Variants in MYOF observed in about 807,000 individuals in gnomAD.
MYOF encodes the protein fer-1-like 3, myoferlin.
A neutral mutation model predicts 284.2 loss-of-function variants in MYOF; 244 were observed. The ratio of observed to expected loss-of-function variants is 0.86; its 90% CI spans 0.77 to 0.95. The LOEUF (loss-of-function observed/expected upper bound fraction) is 0.95. Among genes scored for constraint, MYOF ranks in the 40% least tolerant of loss-of-function variants. The pLI is 0.00. For synonymous variants in MYOF, 904 were observed against 919.7 expected, an observed-to-expected ratio of 0.98 and a Z score of 0.31; for missense variants, 2,496 against 2,560.6, an observed-to-expected ratio of 0.97 and a Z score of 0.54.
At chr10:93,355,887 TC>T (rs908590211) in intron 30 of MYOF, 151 bp from the exon 31 acceptor site, 37 of 583,104 alleles carry the variant, frequency 6.3e-5, no homozygotes, top group Non-Finnish European at 1.1e-4. Context: ...GATGAATAAG[TC>T]CCAGGATAGC....
rs559102440 is a variant in MYOF, at chr10:93,354,202, C to T, written c.3404-314G>A. On this transcript the variant is annotated intron_variant, in intron 31 of 53. Coordinates refer to ENST00000359263, the MANE Select transcript of MYOF (RefSeq NM_013451.4). ...ACCAGCCTGGTCAACATGGTGAAAA[C>T]TTGTGTCTCTACTAAAAATTCAAAA... is the stretch of plus-strand genomic sequence containing the variant. Among the ~76,000 whole-genome samples, 10 of 152,190 alleles carry T rather than the reference C, an allele frequency of 6.6e-5. No homozygotes were observed. In the East Asian group the frequency reaches 1.9e-3, roughly 29 times the overall value.
intron 53 of MYOF, 88 bp downstream of exon 53, chr10:93,309,932 T>C: frequency 6.5e-7 from 1 of 1,532,822 alleles, no homozygotes; most frequent in Admixed American, 1.8e-5. Flanking sequence ...GTCATTCTTC[T>C]GCACAGTGGT....
chr10:93,332,237 T>TC (rs1360414090), intron 43 of MYOF, among the ~76,000 whole-genome samples: 2 of 151,242 alleles, frequency 1.3e-5, no homozygotes, highest in African/African-American at 4.9e-5. Context: ...TTTTTTTTTT[T>TC]TGGGAGACGG....
At chr10:93,436,801 A>T (rs979126396) in intron 3 of MYOF, among the ~76,000 whole-genome samples, 1 of 152,204 alleles carries the variant, frequency 6.6e-6, no homozygotes, top group African/African-American at 2.4e-5. Flanking sequence ...TTTCCTTTAA[A>T]GGAGGTGACA....
chr10:93,479,945 T>C (rs1018390620), intron 1 of MYOF, among the ~76,000 whole-genome samples: 14 of 152,250 alleles, frequency 9.2e-5, no homozygotes, highest in Admixed American at 2.6e-4. Flanking sequence ...ATATTTTTCA[T>C]CATTTAAAAT....
chr10:93,402,532 T>TGAG (rs1847347286), intron 10 of MYOF, among the ~76,000 whole-genome samples, 185 bp from the exon 11 acceptor site: 1 of 148,752 alleles, frequency 6.7e-6, no homozygotes, highest in African/African-American at 2.5e-5. Flanking sequence ...ACCCCCACCA[T>TGAG]TCTGTCCTCG....
chr10:93,458,420 T>C (rs2056795241), intron 1 of MYOF, among the ~76,000 whole-genome samples: 1 of 151,962 alleles, frequency 6.6e-6, no homozygotes, highest in Non-Finnish European at 1.5e-5. Context: ...CTAAGGAAAC[T>C]GAGAAGCTGA....
At chr10:93,333,530 C>T (rs1263650122) in intron 42 of MYOF, among the ~76,000 whole-genome samples, 1 of 151,736 alleles carries the variant, frequency 6.6e-6, no homozygotes, top group Non-Finnish European at 1.5e-5. Flanking sequence ...GGGGGGGAGT[C>T]CTGGCTCACA....
At chr10:93,321,061 C>T (rs1842821963) in intron 48 of MYOF, among the ~76,000 whole-genome samples, 1 of 152,190 alleles carries the variant, frequency 6.6e-6, no homozygotes, top group Admixed American at 6.5e-5. Flanking sequence ...CAGTTATCAT[C>T]TTCTATGAAC....
chr10:93,322,231 A>ATATT (rs775961878), intron 48 of MYOF, among the ~76,000 whole-genome samples: 4 of 152,344 alleles, frequency 2.6e-5, no homozygotes, highest in Admixed American at 1.3e-4. Flanking sequence ...CTTTATGAAT[A>ATATT]TATTAAATGT....
chr10:93,343,846 T>G lies in MYOF; in HGVS notation c.4326+10A>C, dbSNP rs1844043332. On this transcript the variant is annotated intron_variant, in intron 38 of 53. Transcript: ENST00000359263. ...ACTGACAGCATCCACTGATCAGCTC[T>G]GAAGCCTACCTTAGAAGCCAGTAAT... 6.2e-7 allele frequency: 1 copy of G among 1,614,014 alleles called. No individual in the cohort carries two copies. The highest frequency in any genetic ancestry group is 1.3e-5 in the African/African-American group (1 of 74,946).
chr10:93,426,004 C>T (rs747859430), intron 5 of MYOF, 67 bp downstream of exon 5: 1 of 1,469,576 alleles, frequency 6.8e-7, no homozygotes, highest in Non-Finnish European at 9.3e-7. Flanking sequence ...TTTCTCCAGA[C>T]ACTCTCCTGT....
intron 5 of MYOF, among the ~76,000 whole-genome samples, chr10:93,416,978 G>A (rs374262183): frequency 1.4e-4 from 22 of 152,294 alleles, no homozygotes; most frequent in South Asian, 1.2e-3. Context: ...ACCTCCTGAT[G>A]TTGTAAGAAA....
intron 23 of MYOF, among the ~76,000 whole-genome samples, chr10:93,373,999 A>G (rs530236087): frequency 6.6e-6 from 1 of 152,190 alleles, no homozygotes; most frequent in Admixed American, 6.5e-5. Flanking sequence ...TCTTAATGCT[A>G]TCCCTCCCCC....
chr10:93,470,858 G>A (rs4919158), intron 1 of MYOF, among the ~76,000 whole-genome samples: 29,594 of 152,160 alleles, frequency 0.19, 3,429 homozygotes, highest in Middle Eastern at 0.27. Context: ...ATCAATGCTT[G>A]TTGAATGGAT....
intron 32 of MYOF, among the ~76,000 whole-genome samples, chr10:93,353,569 CAATT>C (rs1844631463): frequency 6.6e-6 from 1 of 152,068 alleles, no homozygotes; most frequent in South Asian, 2.1e-4. Flanking sequence ...ATTACTTAAT[CAATT>C]AATATCTATT....
chr10:93,318,219 G>A (rs1252159004), intron 49 of MYOF, among the ~76,000 whole-genome samples: 1 of 152,028 alleles, frequency 6.6e-6, no homozygotes, highest in Non-Finnish European at 1.5e-5. Context: ...CTTGGAGTTC[G>A]AGACCAGCCT....
At chr10:93,362,317 G>T (rs1037422609) in intron 27 of MYOF, among the ~76,000 whole-genome samples, 15 of 151,460 alleles carry the variant, frequency 9.9e-5, no homozygotes, top group Non-Finnish European at 1.9e-4. Flanking sequence ...GCAATCTCGA[G>T]TCACTGCAAC....
intron 39 of MYOF, among the ~76,000 whole-genome samples, chr10:93,338,985 A>G: frequency 6.6e-6 from 1 of 150,972 alleles, no homozygotes. Flanking sequence ...TCTTGGGGGA[A>G]AGGAAGAAGG....
Sources: gnomAD v4.1 joint callset for allele counts (sites outside exome capture counted in the v4.1 genomes callset) on GRCh38, gnomAD v4.1.1 for gene constraint, MANE v1.5 for transcripts, NCBI Gene and HGNC (gene_info 2026-07-23, HGNC 2026-07-21) for gene names.